Variants in NT5DC2 observed in about 807,000 individuals in gnomAD.
NT5DC2 encodes 5'-nucleotidase domain-containing protein 2.
A neutral mutation model predicts 70.0 loss-of-function variants in NT5DC2; 41 were observed. The ratio of observed to expected loss-of-function variants is 0.59; its 90% confidence interval spans 0.46 to 0.76. NT5DC2 has a LOEUF of 0.76. NT5DC2 is among the 30% of genes least tolerant of loss of function. The pLI is 0.00. For missense variants in NT5DC2, 705 were observed against 783.2 expected, an observed-to-expected ratio of 0.90 and a Z score of 1.19; for synonymous variants, 299 against 310.4, an observed-to-expected ratio of 0.96 and a Z score of 0.39.
Position 52,524,891 on chromosome 3 carries a change from CAA to C in NT5DC2, c.1348-12_1348-11del, listed in dbSNP as rs781752290. Reference sequence around the variant, plus strand: ...CCGCGTCCTGATAGGTCTGGGGACACAAAGTGTGCATTGGGTGTGTGCACCCA... The same window carrying C: ...CCGCGTCCTGATAGGTCTGGGGACACAGTGTGCATTGGGTGTGTGCACCCA... On this transcript the variant is annotated splice_polypyrimidine_tract_variant and intron_variant, in intron 12 of 13. Transcript: ENST00000422318. 3.5e-5 allele frequency: 57 copies of C among 1,612,162 alleles called. No individual in the cohort carries two copies. In the African/African-American group the frequency reaches 6.0e-4, roughly 17 times the overall value.
chr3:52,528,500 C>G lies in NT5DC2; in HGVS notation c.588G>C (p.Leu196=), dbSNP rs568536059. The change falls in exon 5 of 14, where the codon CTG becomes CTC. Residue 196 remains leucine, a synonymous_variant. Transcript: ENST00000422318. ...GTGGGATGTGCTGGGTACCCCCATA[C>G]AGCTCAATCACCTCCTCGTCTGGCA... ...QPVPDEEVIE[L]YGGTQHIPLY... 2 of 1,613,506 alleles carry G rather than the reference C, an allele frequency of 1.2e-6. No individual in the cohort carries two copies. The highest frequency in any genetic ancestry group is 1.3e-5 in the African/African-American group (1 of 74,926).
chr3:52,534,134 G>A, upstream of NT5DC2: 1 of 293,604 alleles, frequency 3.4e-6, no homozygotes, highest in Non-Finnish European at 6.5e-6. Flanking sequence ...AGAGGAGACA[G>A]CCGGAGCGCG....
intron 10 of NT5DC2, chr3:52,526,603 C>A (rs567818304): frequency 6.6e-6 from 1 of 152,524 alleles, no homozygotes; most frequent in African/African-American, 2.4e-5. Flanking sequence ...GTTCTGGCTG[C>A]AGCAGAGTGC....
At chr3:52,533,933 G>A (rs996523954), upstream of NT5DC2, 152 of 612,534 alleles carry the variant, frequency 2.5e-4, no homozygotes, top group East Asian at 4.3e-4. Flanking sequence ...CGGACCCGGC[G>A]GGGCGGGGCG....
In NT5DC2 at chr3:52,527,310, C is replaced by T. The variant is rs771816964; in HGVS notation, c.1103G>A (p.Gly368Asp). Residue 368 changes from glycine to aspartate, a missense_variant, in exon 10 of 14, where the codon GGC (glycine) becomes GAC (aspartate). By Grantham distance (94) the Gly-to-Asp change is moderately conservative. Transcript: ENST00000422318. ...QWDRITRLEK[G>D]KIYRQGNLFD... ...GGCCCTTACCTGCCGATAGATCTTG[C>T]CCTTTTCCAAGCGGGTGATCCGGTC... 6.2e-7 allele frequency: 1 copy of T among 1,614,130 alleles called. No individual in the cohort carries two copies. Among genetic ancestry groups the T allele is most frequent in the East Asian group, 2.2e-5 (1 of 44,880 alleles).
In NT5DC2 at chr3:52,529,095, G is replaced by T. The variant is rs532736879; in HGVS notation, c.417+55C>A. The T allele has an allele frequency of 3.1e-6, 5 of 1,607,746 alleles. No individual in the cohort carries two copies. The highest frequency in any genetic ancestry group is 4.3e-6 in the Non-Finnish European group (5 of 1,175,164). ...TCAGCCCTGAGCTTAGGCCAAGGTG[G>T]GTCTGGCCAGCCTCCAAGCCCTGGG... On this transcript the variant is annotated intron_variant, in intron 2 of 13. Coordinates refer to ENST00000422318, the MANE Select transcript of NT5DC2 (RefSeq NM_001134231.2). This position sits in a 1 kb window ranked among gnomAD's most constrained non-coding sequence, Gnocchi z 4.1.
chr3:52,528,547 G>A lies in NT5DC2; in HGVS notation c.549-8C>T, dbSNP rs1046046101. On this transcript the variant is annotated splice_region_variant and splice_polypyrimidine_tract_variant and intron_variant, in intron 4 of 13. Coordinates refer to ENST00000422318, the MANE Select transcript of NT5DC2 (RefSeq NM_001134231.2). ...GGCACAGGCTGGAGGCCCCTGAGCA[G>A]GCCCAAGATACCATCAGTCCAAGGT... 1.3e-6 allele frequency: 2 copies of A among 1,594,326 alleles called. No homozygotes were observed. The highest frequency in any genetic ancestry group is 1.7e-6 in the Non-Finnish European group (2 of 1,169,840).
rs774970861 is a variant in NT5DC2, at chr3:52,528,672, G to A, written c.513C>T (p.Asp171=). Residue 171 remains aspartate, a synonymous_variant, in exon 4 of 14, where the codon GAC becomes GAT. Coordinates refer to ENST00000422318, the MANE Select transcript of NT5DC2 (RefSeq NM_001134231.2). ...TCCCCAGCTGCACGTAGTGGAAGGC[G>A]TCAATCTTCATCAGAAGGCTCTGGG... The part of the protein sequence containing the change: ...DIQKSLLMKI[D]AFHYVQLGTA... 25 of 1,594,732 alleles carry A rather than the reference G, an allele frequency of 1.6e-5. No individual in the cohort carries two copies. Among genetic ancestry groups the A allele is most frequent in the Non-Finnish European group, 1.9e-5 (22 of 1,171,190 alleles).
rs1313167582 is a variant in NT5DC2, at chr3:52,531,910, G to C, written c.232+1596C>G. Among the ~76,000 whole-genome samples, 1 of 152,194 alleles carries C rather than the reference G, an allele frequency of 6.6e-6. No homozygotes were observed. The highest frequency in any genetic ancestry group is 2.4e-5 in the African/African-American group (1 of 41,446). ...CCATCGTCCGGAGGAAGAAACTGGG[G>C]CTCAGGGAGGTGAAGTCACTTGCTC... On this transcript the variant is annotated intron_variant, in intron 1 of 13. Transcript: ENST00000422318. The surrounding 1 kb of genome is among the most constrained non-coding windows in gnomAD (Gnocchi z 4.1).
chr3:52,534,546 G>C, upstream of NT5DC2: 1 of 1,613,454 alleles, frequency 6.2e-7, no homozygotes, highest in South Asian at 1.1e-5. Flanking sequence ...TCAACTCCCG[G>C]TTTCCCGGCG....
intron 10 of NT5DC2, 44 bp from the exon 11 acceptor site, chr3:52,525,339 C>T: frequency 1.3e-6 from 2 of 1,481,802 alleles, no homozygotes; most frequent in Non-Finnish European, 1.9e-6. Context: ...TGTGCCTTGT[C>T]CTCCACCAGT....
At chr3:52,534,651 C>T (rs1245047684), upstream of NT5DC2, 1 of 1,611,632 alleles carries the variant, frequency 6.2e-7, no homozygotes, top group African/African-American at 1.3e-5. Context: ...TCTCCACTCG[C>T]ATTTCTTCTG....
At chr3:52,528,563 A>C in intron 4 of NT5DC2, 24 bp from the exon 5 acceptor site, 4 of 1,371,454 alleles carry the variant, frequency 2.9e-6, no homozygotes, top group Non-Finnish European at 3.9e-6. Context: ...AGATACCATC[A>C]GTCCAAGGTA....
chr3:52,526,963 G>A (rs1559736936), intron 10 of NT5DC2, among the ~76,000 whole-genome samples: 1 of 152,202 alleles, frequency 6.6e-6, no homozygotes, highest in Admixed American at 6.5e-5. Flanking sequence ...GGTGCCTGGC[G>A]CACTGGCCAT....
In NT5DC2 at chr3:52,528,257, G is replaced by A. The variant is rs1355261310; in HGVS notation, c.697C>T (p.Leu233=). Residue 233 remains leucine, a synonymous_variant, in exon 6 of 14, where the codon CTG becomes TTG. Coordinates refer to ENST00000422318, the MANE Select transcript of NT5DC2 (RefSeq NM_001134231.2). ...AGAAAGTAGTCCACCACACAGGACAGCAGAGCCATCTCCGGTAGCGAGAAG... is the reference window on the plus strand; with the variant it reads ...AGAAAGTAGTCCACCACACAGGACAACAGAGCCATCTCCGGTAGCGAGAAG... The part of the protein sequence containing the change: ...DIFSLPEMAL[L]SCVVDYFLGH... 6.2e-7 allele frequency: 1 copy of A among 1,613,436 alleles called. No homozygotes were observed. The highest frequency in any genetic ancestry group is 1.1e-5 in the South Asian group (1 of 91,082).
In NT5DC2 at chr3:52,528,431, T is replaced by G. The variant is rs765500942; in HGVS notation, c.642+15A>C. 1 of 1,613,380 alleles carries G rather than the reference T, an allele frequency of 6.2e-7. No individual in the cohort carries two copies. Among genetic ancestry groups the G allele is most frequent in the Non-Finnish European group, 8.5e-7 (1 of 1,179,900 alleles). On this transcript the variant is annotated intron_variant, in intron 5 of 13. Coordinates refer to ENST00000422318, the MANE Select transcript of NT5DC2 (RefSeq NM_001134231.2). ...CATGTCCATGGGGCAGGCTGGCTGCTGGGGTATGGAGTACCTTGCCATAGA... is the reference window on the plus strand; with the variant it reads ...CATGTCCATGGGGCAGGCTGGCTGCGGGGGTATGGAGTACCTTGCCATAGA...
chr3:52,534,882 G>C (rs998186410), upstream of NT5DC2: 1 of 555,060 alleles, frequency 1.8e-6, no homozygotes, highest in Non-Finnish European at 3.2e-6. Flanking sequence ...GGACTGGTAA[G>C]GATTGAGGCC....
intron 1 of NT5DC2, among the ~76,000 whole-genome samples, chr3:52,533,021 C>T (rs919562382): frequency 6.6e-6 from 1 of 152,174 alleles, no homozygotes; most frequent in African/African-American, 2.4e-5. Flanking sequence ...GGGGGCCGGA[C>T]CTCCAGGGCG....
At chr3:52,532,304 G>T (rs2079372205) in intron 1 of NT5DC2, 10 of 985,272 alleles carry the variant, frequency 1.0e-5, no homozygotes, top group African/African-American at 1.7e-5. Context: ...TCCAAGGCAG[G>T]CTTCTCAGGA....
Sources: gnomAD v4.1 joint callset for allele counts (sites outside exome capture counted in the v4.1 genomes callset) on GRCh38, gnomAD v4.1.1 for gene constraint, Gnocchi (gnomAD v3.1) non-coding constraint, MANE v1.5 for transcripts, NCBI Gene and HGNC (gene_info 2026-07-23, HGNC 2026-07-21) for gene names.